The following CPQ variants were observed in gnomAD, a reference collection of about 807,000 sequenced individuals.
CPQ encodes the protein carboxypeptidase Q.
CPQ carries 37 observed loss-of-function variants against 45.7 expected under a neutral mutation model. The observed-to-expected ratio is 0.81, with a 90% CI of 0.62 to 1.07. CPQ has a LOEUF of 1.07. CPQ is among the 50% of genes least tolerant of loss of function. The pLI is 0.00. For synonymous variants in CPQ, 186 were observed against 205.8 expected, an observed-to-expected ratio of 0.90 and a Z score of 0.82; for missense variants, 537 against 572.9, an observed-to-expected ratio of 0.94 and a Z score of 0.64.
At chr8:97,078,763 TTCTCTCTCTCTCTCTCTC>T (rs749278181) in intron 7 of CPQ, among the ~76,000 whole-genome samples, 15 of 100,364 alleles carry the variant, frequency 1.5e-4, no homozygotes, top group South Asian at 8.3e-4. Context: ...TCATTTCCAT[TTCTCTCTCTCTCTCTCTC>T]TCTCTCTCTC....
At chr8:96,690,087 C>T (rs903599041) in intron 1 of CPQ, among the ~76,000 whole-genome samples, 4 of 151,884 alleles carry the variant, frequency 2.6e-5, no homozygotes, top group African/African-American at 7.3e-5. Context: ...TACTTGGGCT[C>T]TTGTATACTT....
chr8:97,020,779 A>C (rs1271611746), intron 5 of CPQ, among the ~76,000 whole-genome samples: 2 of 152,194 alleles, frequency 1.3e-5, no homozygotes, highest in Non-Finnish European at 2.9e-5. Flanking sequence ...TTCACCCAGA[A>C]TTCTACCAGA....
At chr8:97,140,796 C>G (rs887293332) in intron 7 of CPQ, among the ~76,000 whole-genome samples, 2 of 152,012 alleles carry the variant, frequency 1.3e-5, no homozygotes, top group Non-Finnish European at 2.9e-5. Flanking sequence ...TTTGCCCTAA[C>G]AGATATCAAG....
intron 2 of CPQ, among the ~76,000 whole-genome samples, chr8:96,797,734 T>C (rs1298383695): frequency 6.6e-6 from 1 of 151,600 alleles, no homozygotes; most frequent in African/African-American, 2.4e-5. Context: ...CCGAGCAACG[T>C]AGTGAAACTC....
At chr8:96,648,041 A>G (rs1257674495) in intron 1 of CPQ, among the ~76,000 whole-genome samples, 1 of 152,232 alleles carries the variant, frequency 6.6e-6, no homozygotes, top group African/African-American at 2.4e-5. Context: ...TGTGTAATCC[A>G]GAGACAAGAA....
At chr8:97,019,349 T>C (rs1260476654) in intron 5 of CPQ, among the ~76,000 whole-genome samples, 3 of 151,990 alleles carry the variant, frequency 2.0e-5, no homozygotes, top group Non-Finnish European at 4.4e-5. Flanking sequence ...AGGCAACAAA[T>C]AGCATGATGA....
chr8:96,896,802 T>A (rs1812448691), intron 4 of CPQ, among the ~76,000 whole-genome samples: 1 of 152,156 alleles, frequency 6.6e-6, no homozygotes, highest in Non-Finnish European at 1.5e-5. Flanking sequence ...AGAACATAAA[T>A]GAATGAATGA....
intron 5 of CPQ, among the ~76,000 whole-genome samples, chr8:96,982,410 C>T (rs1268016626): frequency 1.3e-5 from 2 of 152,124 alleles, no homozygotes; most frequent in Non-Finnish European, 2.9e-5. Flanking sequence ...GGCACATCAG[C>T]TCACTGCTGC....
At chr8:96,700,111 T>C (rs1586364263) in intron 1 of CPQ, among the ~76,000 whole-genome samples, 1 of 151,942 alleles carries the variant, frequency 6.6e-6, no homozygotes, top group Non-Finnish European at 1.5e-5. Flanking sequence ...CTTAGCTTGG[T>C]GAGGTTGTTA....
intron 4 of CPQ, among the ~76,000 whole-genome samples, chr8:96,932,654 T>G (rs911364628): frequency 6.6e-6 from 1 of 152,214 alleles, no homozygotes; most frequent in African/African-American, 2.4e-5. Context: ...CCCTTGGTCC[T>G]CCTGTCTTTC....
chr8:96,986,787 C>T (rs554399396), intron 5 of CPQ, among the ~76,000 whole-genome samples: 26 of 152,224 alleles, frequency 1.7e-4, no homozygotes, highest in Non-Finnish European at 3.1e-4. Flanking sequence ...ATTATTTGGA[C>T]GTTTGAATCA....
chr8:96,929,922 G>A (rs938805904), intron 4 of CPQ, among the ~76,000 whole-genome samples: 1 of 152,090 alleles, frequency 6.6e-6, no homozygotes, highest in East Asian at 1.9e-4. Context: ...GAACTCAAGG[G>A]AGAGCTGTGT....
At chr8:96,884,515 G>T (rs1342850488) in intron 4 of CPQ, among the ~76,000 whole-genome samples, 2 of 152,124 alleles carry the variant, frequency 1.3e-5, no homozygotes, top group Non-Finnish European at 2.9e-5. Flanking sequence ...GAGGTGAGCA[G>T]AAGACAGAGA....
chr8:96,829,541 G>T (rs542999508), intron 2 of CPQ, among the ~76,000 whole-genome samples: 1 of 152,002 alleles, frequency 6.6e-6, no homozygotes, highest in Non-Finnish European at 1.5e-5. Context: ...TCTGTTTTGG[G>T]GCCTGGCAGG....
intron 3 of CPQ, among the ~76,000 whole-genome samples, chr8:96,847,331 A>G (rs560262044): frequency 9.9e-5 from 15 of 152,284 alleles, no homozygotes; most frequent in African/African-American, 1.4e-4. Context: ...TTCTAATTCA[A>G]TTATTTCTAT....
intron 7 of CPQ, among the ~76,000 whole-genome samples, chr8:97,087,245 A>C (rs767284705): frequency 1.3e-5 from 2 of 152,152 alleles, no homozygotes; most frequent in Non-Finnish European, 2.9e-5. Context: ...TGACCTGCCA[A>C]ATCTTTCCAC....
At chr8:97,045,622 C>CCAT (rs1265744362) in intron 6 of CPQ, among the ~76,000 whole-genome samples, 1 of 152,248 alleles carries the variant, frequency 6.6e-6, no homozygotes, top group Non-Finnish European at 1.5e-5. Flanking sequence ...TCCTATTCAG[C>CCAT]CATCTTGGCT....
At chr8:97,036,793 C>T (rs1810014004) in intron 6 of CPQ, among the ~76,000 whole-genome samples, 1 of 152,198 alleles carries the variant, frequency 6.6e-6, no homozygotes, top group South Asian at 2.1e-4. Flanking sequence ...AGCCTCATTA[C>T]ACAAGGTAAT....
At chr8:96,974,128 C>T (rs74967826) in intron 5 of CPQ, among the ~76,000 whole-genome samples, 2 of 152,120 alleles carry the variant, frequency 1.3e-5, no homozygotes, top group Admixed American at 6.5e-5. Flanking sequence ...CAGGAGACTA[C>T]TCTCACACAT....
Sources: gnomAD v4.1 joint callset for allele counts (sites outside exome capture counted in the v4.1 genomes callset) on GRCh38, gnomAD v4.1.1 for gene constraint, MANE v1.5 for transcripts, NCBI Gene and HGNC (gene_info 2026-07-23, HGNC 2026-07-21) for gene names.